The following DISC1 variants were observed in gnomAD, a reference collection of about 807,000 sequenced individuals.
The protein encoded by DISC1 is DISC1 scaffold protein.
A neutral mutation model predicts 84.5 loss-of-function variants in DISC1; 57 were observed. The observed-to-expected ratio is 0.67, with a 90% CI of 0.55 to 0.84. The LOEUF (loss-of-function observed/expected upper bound fraction) is 0.84, where lower values mean the gene tolerates loss of function less well. Ranked by LOEUF, DISC1 falls within the 40% of genes least tolerant of loss-of-function variation. The probability of loss-of-function intolerance (pLI) is 0.00; values close to 1 mark genes in which losing one functional copy is unlikely to be tolerated. For missense variants in DISC1, 1,000 were observed against 1,057.8 expected (o/e 0.95, Z 0.76); for synonymous variants, 411 against 415.2 (o/e 0.99, Z 0.12).
intron 12 of DISC1, among the ~76,000 whole-genome samples, chr1:232,034,838 A>G (rs1572709433): frequency 6.6e-6 from 1 of 152,056 alleles, no homozygotes; most frequent in Non-Finnish European, 1.5e-5. Context: ...ATAAAGTGGT[A>G]TATGTTTTCA....
At position 231,754,100 on chromosome 1, in the gene DISC1, C is replaced by T. The variant is rs115088697; in HGVS notation, c.1268+4024C>T. ...GCATTTCCAAACTTTTCCTCATCTT[C>T]GTGTCTTCTTCTGAGCCATCCACAC... On this transcript the variant is annotated intron_variant, in intron 4 of 12. Transcript: ENST00000439617. Among the ~76,000 whole-genome samples, 1,021 of 152,244 alleles carry T rather than the reference C, an allele frequency of 6.7e-3. 14 individuals carry two copies. Among genetic ancestry groups the T allele is most frequent in the African/African-American group, 0.024 (984 of 41,506 alleles).
intron 9 of DISC1, among the ~76,000 whole-genome samples, chr1:231,941,803 T>TA (rs1246524079): frequency 6.6e-6 from 1 of 151,662 alleles, no homozygotes; most frequent in South Asian, 2.1e-4. Flanking sequence ...AAGACAAAAA[T>TA]AAAAAACAAA....
At chr1:231,810,934 G>A (rs1022982825) in intron 8 of DISC1, among the ~76,000 whole-genome samples, 3 of 152,200 alleles carry the variant, frequency 2.0e-5, no homozygotes, top group Admixed American at 2.0e-4. Flanking sequence ...GTTGCTTTTT[G>A]TGGGTAAGGG....
Position 232,009,738 on chromosome 1 carries a change from C to T in DISC1, c.2307+689C>T, listed in dbSNP as rs1159047661. On this transcript the variant is annotated intron_variant, in intron 11 of 12. Coordinates refer to ENST00000439617, the MANE Select transcript of DISC1 (RefSeq NM_018662.3). The surrounding 1 kb of genome is among the most constrained non-coding windows in gnomAD (Gnocchi z 4.6). ...CCTCCCACCCTAACAAGAGTCTTTT[C>T]CATAAAAAGGCCCTAGGAAGTTTTT... is the stretch of plus-strand genomic sequence containing the variant. 2.2e-6 allele frequency: 1 copy of T among 459,616 alleles called. No homozygotes were observed. The allele number at this position is 459,616 out of a possible 1,614,324, so 28.5% of individuals were successfully genotyped here. A position where few individuals can be genotyped will look rare whatever the true frequency, so the allele number is the denominator to read the frequency against.
intron 1 of DISC1, among the ~76,000 whole-genome samples, chr1:231,673,190 A>G (rs2062789393): frequency 6.6e-6 from 1 of 152,198 alleles, no homozygotes; most frequent in Non-Finnish European, 1.5e-5. Flanking sequence ...AAAGAATTAA[A>G]TAACTCGCAG....
chr1:231,693,570 G>A (rs192793117), intron 1 of DISC1, among the ~76,000 whole-genome samples: 63 of 152,316 alleles, frequency 4.1e-4, no homozygotes, highest in African/African-American at 1.3e-3. Flanking sequence ...TTGGCATAGC[G>A]TACAGCAGTG....
At chr1:231,896,607 C>T (rs1422109142) in intron 9 of DISC1, among the ~76,000 whole-genome samples, 1 of 152,108 alleles carries the variant, frequency 6.6e-6, no homozygotes, top group African/African-American at 2.4e-5. Flanking sequence ...TTTCATAGAG[C>T]CAGACTTGAG....
chr1:231,951,779 T>C (rs1658415714), intron 9 of DISC1, among the ~76,000 whole-genome samples: 1 of 152,002 alleles, frequency 6.6e-6, no homozygotes, highest in Admixed American at 6.6e-5. Flanking sequence ...TTAAGGAACA[T>C]TAGAGGCAGG....
At chr1:231,978,709 A>T (rs1033073423) in intron 10 of DISC1, among the ~76,000 whole-genome samples, 1 of 152,186 alleles carries the variant, frequency 6.6e-6, no homozygotes. Flanking sequence ...GACTCTTTTG[A>T]CATTAACCTA....
At chr1:231,764,398 C>G (rs1258799853) in intron 4 of DISC1, among the ~76,000 whole-genome samples, 1 of 152,080 alleles carries the variant, frequency 6.6e-6, no homozygotes, top group Non-Finnish European at 1.5e-5. Flanking sequence ...TTAGAAAGAT[C>G]AATGGAAAGA....
In DISC1 at chr1:232,015,351, C is replaced by T. The variant is rs188718921; in HGVS notation, c.2307+6302C>T. Among the ~76,000 whole-genome samples, 48 of 152,032 alleles carry T rather than the reference C, an allele frequency of 3.2e-4. No individual in the cohort carries two copies. The Middle Eastern group carries it at 0.01, about 32-fold the overall frequency. ...AAAACAACCTCAGGGCTCTTGGTGA[C>T]GCCGTTCACCTTGGAAATTCCTTGT... On this transcript the variant is annotated intron_variant, in intron 11 of 12. Transcript: ENST00000439617.
intron 1 of DISC1, among the ~76,000 whole-genome samples, chr1:231,687,776 G>A (rs1285198829): frequency 6.6e-6 from 1 of 152,158 alleles, no homozygotes; most frequent in Non-Finnish European, 1.5e-5. Flanking sequence ...AGGGACTGGG[G>A]CAGGGGGAAA....
At chr1:231,969,677 G>C (rs890485121) in intron 10 of DISC1, among the ~76,000 whole-genome samples, 23 of 150,326 alleles carry the variant, frequency 1.5e-4, no homozygotes, top group Non-Finnish European at 2.5e-4. Context: ...GTATACCAGT[G>C]CCATGTTGGT....
rs2806455 is a variant in DISC1 at position 232,008,848 on chromosome 1, C to A, written c.2106C>A (p.Ile702=). ...EADLEACRLL[I]QSLQLQEARG... is the part of the protein sequence containing the mutation. ...ACTTGGAAGCTTGTCGATTGCTTAT[C>A]CAGAGCCTACAGCTCCAGGAAGCCA... is the stretch of plus-strand genomic sequence containing the variant. The change falls in exon 11 of 13, where the codon ATC becomes ATA. Residue 702 remains isoleucine (I), a synonymous_variant. Transcript: ENST00000439617. The A allele has an allele frequency of 6.2e-7, 1 of 1,612,148 alleles. No individual in the cohort carries two copies. The highest frequency in any genetic ancestry group is 1.7e-5 in the Admixed American group (1 of 59,872).
At chr1:231,803,277 G>A (rs2079422331) in intron 8 of DISC1, among the ~76,000 whole-genome samples, 1 of 152,104 alleles carries the variant, frequency 6.6e-6, no homozygotes, top group South Asian at 2.1e-4. Flanking sequence ...GAAAGGAAAT[G>A]GAAATTTCTT....
At chr1:231,711,325 AT>A (rs1433453513) in intron 3 of DISC1, among the ~76,000 whole-genome samples, 3 of 148,544 alleles carry the variant, frequency 2.0e-5, no homozygotes, top group Admixed American at 6.7e-5. Flanking sequence ...TTTTTTTAGA[AT>A]TGATGTTTAT....
At chr1:231,787,769 C>T (rs754819418) in intron 6 of DISC1, among the ~76,000 whole-genome samples, 1 of 152,200 alleles carries the variant, frequency 6.6e-6, no homozygotes, top group African/African-American at 2.4e-5. Context: ...GAGAACTCAT[C>T]TGGCACTTGC....
chr1:231,925,815 A>C (rs924385842), intron 9 of DISC1: 1 of 152,326 alleles, frequency 6.6e-6, no homozygotes, highest in Non-Finnish European at 1.5e-5. Context: ...TCTCAAGCCA[A>C]GGCATGCTAC....
At chr1:231,821,980 C>T (rs892879867) in intron 9 of DISC1, among the ~76,000 whole-genome samples, 3 of 152,072 alleles carry the variant, frequency 2.0e-5, no homozygotes, top group South Asian at 2.1e-4. Context: ...GAATTACAAG[C>T]GTGAGCCACC....
Sources: gnomAD v4.1 joint callset for allele counts (sites outside exome capture counted in the v4.1 genomes callset) on GRCh38, gnomAD v4.1.1 for gene constraint, Gnocchi (gnomAD v3.1) non-coding constraint, MANE v1.5 for transcripts, NCBI Gene and HGNC (gene_info 2026-07-23, HGNC 2026-07-21) for gene names.